Variants in SGCZ observed in about 807,000 individuals in gnomAD.
SGCZ encodes sarcoglycan zeta.
In SGCZ, 40 loss-of-function variants were observed where a neutral mutation model predicts 41.3. That is an observed-to-expected ratio of 0.97 (90% CI 0.75 to 1.26). SGCZ has a LOEUF of 1.26. Ranked by LOEUF, SGCZ falls within the 50% of genes most tolerant of loss-of-function variation. The probability of loss-of-function intolerance (pLI) is 0.00; values close to 1 mark genes in which losing one functional copy is unlikely to be tolerated. For synonymous variants in SGCZ, 206 were observed against 137.5 expected (o/e 1.50, Z -3.49); for missense variants, 552 against 369.8 (o/e 1.49, Z -4.04).
intron 3 of SGCZ, 68 bp from the exon 4 acceptor site, chr8:14,237,747 T>C: frequency 6.6e-6 from 9 of 1,362,686 alleles, no homozygotes; most frequent in Non-Finnish European, 9.3e-6. Flanking sequence ...AAAAATATAC[T>C]GCATTTGTTT....
At chr8:14,467,530 G>A (rs1010243903) in intron 2 of SGCZ, among the ~76,000 whole-genome samples, 1 of 152,012 alleles carries the variant, frequency 6.6e-6, no homozygotes, top group Admixed American at 6.6e-5. Flanking sequence ...CATGTGTTGA[G>A]GGCTCTGAGA....
chr8:14,115,414 A>G (rs1023366175), intron 5 of SGCZ, among the ~76,000 whole-genome samples: 1 of 152,030 alleles, frequency 6.6e-6, no homozygotes, highest in Non-Finnish European at 1.5e-5. Context: ...ATAGCACATG[A>G]GCTACCCATA....
chr8:14,383,547 G>C (rs1197260522), intron 2 of SGCZ, among the ~76,000 whole-genome samples: 1 of 152,196 alleles, frequency 6.6e-6, no homozygotes, highest in Admixed American at 6.5e-5. Context: ...ACCAATGGTA[G>C]ATGTTAAACA....
intron 1 of SGCZ, among the ~76,000 whole-genome samples, chr8:15,193,186 CTTAAT>C (rs1019610549): frequency 1.1e-4 from 17 of 151,996 alleles, no homozygotes; most frequent in African/African-American, 4.1e-4. Context: ...TATTATTTCT[CTTAAT>C]TTTTCAATGT....
chr8:15,037,171 T>C (rs1282370491), intron 1 of SGCZ, among the ~76,000 whole-genome samples: 2 of 152,162 alleles, frequency 1.3e-5, no homozygotes, highest in Non-Finnish European at 2.9e-5. Flanking sequence ...GTAGTCTCCA[T>C]GATCCCCACA....
At chr8:14,236,413 A>G (rs921727019) in intron 4 of SGCZ, among the ~76,000 whole-genome samples, 2 of 152,174 alleles carry the variant, frequency 1.3e-5, no homozygotes, top group South Asian at 4.1e-4. Context: ...CATATATGCT[A>G]AAATGTCTCC....
intron 5 of SGCZ, among the ~76,000 whole-genome samples, chr8:14,121,762 G>A (rs368866710): frequency 6.8e-4 from 104 of 152,204 alleles, no homozygotes; most frequent in Middle Eastern, 6.8e-3. Flanking sequence ...TAAGTTTGGT[G>A]TCTCACTAGC....
chr8:14,854,779 G>A (rs2130663751), intron 1 of SGCZ, among the ~76,000 whole-genome samples: 1 of 152,146 alleles, frequency 6.6e-6, no homozygotes, highest in East Asian at 1.9e-4. Flanking sequence ...AGAGAGGAAA[G>A]GAGAGAGTAG....
At chr8:14,763,776 C>G (rs1799958260) in intron 1 of SGCZ, among the ~76,000 whole-genome samples, 1 of 152,094 alleles carries the variant, frequency 6.6e-6, no homozygotes, top group Non-Finnish European at 1.5e-5. Flanking sequence ...AGCCTTAGTT[C>G]TACATAGCCT....
chr8:15,101,664 C>T (rs1806619291), intron 1 of SGCZ, among the ~76,000 whole-genome samples: 1 of 152,150 alleles, frequency 6.6e-6, no homozygotes, highest in South Asian at 2.1e-4. Flanking sequence ...GGAGCGGTGG[C>T]TCACGCATGT....
intron 1 of SGCZ, among the ~76,000 whole-genome samples, chr8:14,872,076 C>T (rs1056672032): frequency 6.6e-6 from 1 of 151,780 alleles, no homozygotes; most frequent in Admixed American, 6.6e-5. Flanking sequence ...GAACAGAAAA[C>T]CAAACATTCC....
intron 3 of SGCZ, among the ~76,000 whole-genome samples, chr8:14,291,258 A>T (rs965161181): frequency 2.0e-5 from 3 of 152,094 alleles, no homozygotes; most frequent in African/African-American, 7.2e-5. Context: ...GAGAGTTAAC[A>T]ATAATGTATT....
chr8:14,885,595 G>T (rs958334955), intron 1 of SGCZ, among the ~76,000 whole-genome samples: 5 of 152,028 alleles, frequency 3.3e-5, no homozygotes, highest in East Asian at 1.9e-4. Flanking sequence ...GAGGGAAGGT[G>T]TCCTTGCTCT....
At chr8:14,958,448 T>C (rs181194503) in intron 1 of SGCZ, among the ~76,000 whole-genome samples, 1 of 152,124 alleles carries the variant, frequency 6.6e-6, no homozygotes, top group Admixed American at 6.6e-5. Context: ...CATGGTAAAC[T>C]CTGAAAACAA....
At chr8:14,497,105 C>T (rs117618143) in intron 2 of SGCZ, among the ~76,000 whole-genome samples, 263 of 152,234 alleles carry the variant, frequency 1.7e-3, no homozygotes, top group Admixed American at 3.0e-3. Flanking sequence ...CTTTTGGTTA[C>T]GCGTCACAAT....
chr8:14,400,254 C>G lies in SGCZ; in HGVS notation c.235-76050G>C, dbSNP rs761106274. Reference sequence around the variant, plus strand: ...ATTTATATAGCAGATTTTATTTATCCATTCATCAGTTGACATTTTAGTTGT... The same window carrying G: ...ATTTATATAGCAGATTTTATTTATCGATTCATCAGTTGACATTTTAGTTGT... On this transcript the variant is annotated intron_variant, in intron 2 of 7. Coordinates refer to ENST00000382080, the MANE Select transcript of SGCZ (RefSeq NM_139167.4). 3.8e-4 allele frequency among the ~76,000 whole-genome samples: 58 copies of G among 151,766 alleles called. 1 individual carries two copies. Among genetic ancestry groups the G allele is most frequent in the Non-Finnish European group, 7.2e-4 (49 of 67,958 alleles).
At chr8:14,634,372 G>C (rs1806758740) in intron 1 of SGCZ, among the ~76,000 whole-genome samples, 2 of 151,204 alleles carry the variant, frequency 1.3e-5, no homozygotes, top group Admixed American at 1.3e-4. Flanking sequence ...TATTTTTTTT[G>C]TTCTGTGTTT....
intron 1 of SGCZ, among the ~76,000 whole-genome samples, chr8:14,761,150 G>A (rs566389844): frequency 5.3e-5 from 8 of 152,132 alleles, no homozygotes; most frequent in East Asian, 3.9e-4. Flanking sequence ...GTGCTTTCAC[G>A]GTCTTCGCTA....
At chr8:14,206,523 T>G (rs12679992) in intron 4 of SGCZ, among the ~76,000 whole-genome samples, 85,309 of 152,010 alleles carry the variant, frequency 0.56, 24,354 homozygotes, top group East Asian at 0.76. Context: ...ATAAAACATT[T>G]GAAATCCTGC....
Sources: gnomAD v4.1 joint callset for allele counts (sites outside exome capture counted in the v4.1 genomes callset) on GRCh38, gnomAD v4.1.1 for gene constraint, MANE v1.5 for transcripts, NCBI Gene and HGNC (gene_info 2026-07-23, HGNC 2026-07-21) for gene names.